The following MYL1 variants were observed in gnomAD, a reference collection of about 807,000 sequenced individuals.
MYL1 encodes the protein myosin light chain 1/3, skeletal muscle isoform.
Under a neutral mutation model 21.8 loss-of-function variants are expected in MYL1, and 16 were observed. That is an observed-to-expected ratio of 0.74 (90% CI 0.50 to 1.12). The LOEUF (loss-of-function observed/expected upper bound fraction) is 1.12, where lower values mean the gene tolerates loss of function less well. MYL1 is among the 50% of genes most tolerant of loss of function. The probability of loss-of-function intolerance (pLI) is 0.00; values close to 1 mark genes in which losing one functional copy is unlikely to be tolerated. For missense variants in MYL1, 246 were observed against 241.0 expected (o/e 1.02, Z -0.14); for synonymous variants, 99 against 85.2 (o/e 1.16, Z -0.89).
chr2:210,298,014 G>T lies in MYL1; in HGVS notation c.304+406C>A, dbSNP rs80289601. Among the ~76,000 whole-genome samples the T allele has an allele frequency of 6.3e-3, 964 of 152,126 alleles. 15 individuals are homozygous for T. Among genetic ancestry groups the T allele is most frequent in the African/African-American group, 0.022 (925 of 41,508 alleles). On this transcript the variant is annotated intron_variant, in intron 3 of 6. Transcript: ENST00000352451. ...TTTGCCAAAATGTGTTTTTGCCTTT[G>T]AAGATTTGAAGTCTGAAAAAATGTG...
At chr2:210,302,967 A>G in intron 1 of MYL1, 1 of 616,516 alleles carries the variant, frequency 1.6e-6, no homozygotes, top group South Asian at 2.2e-5. Context: ...CTATTGCAAA[A>G]GATAATTAGG....
intron 2 of MYL1, among the ~76,000 whole-genome samples, chr2:210,302,003 C>T (rs925817516): frequency 1.1e-4 from 17 of 151,990 alleles, no homozygotes. Context: ...AATCCTTCTT[C>T]TTTGTTTCTG....
rs750680519 is a variant in MYL1 at position 210,298,448 on chromosome 2, C to T, written c.276G>A (p.Arg92=). The T allele has an allele frequency of 6.2e-7, 1 of 1,613,888 alleles. No homozygotes were observed. The highest frequency in any genetic ancestry group is 8.5e-7 in the Non-Finnish European group (1 of 1,179,962). The change falls in exon 3 of 7, where the codon AGG becomes AGA. Residue 92 remains arginine (R), a synonymous_variant. Coordinates refer to ENST00000352451, the MANE Select transcript of MYL1 (RefSeq NM_079420.3). ...CATTGCTGGGGTTTCCCAGAACTTT[C>T]CTGACCTCTGCATTGGTGGGATTTG... ...LGTNPTNAEV[R]KVLGNPSNEE...
intron 1 of MYL1, among the ~76,000 whole-genome samples, chr2:210,314,413 T>G (rs547830281): frequency 6.6e-6 from 1 of 152,264 alleles, no homozygotes; most frequent in East Asian, 1.9e-4. Flanking sequence ...TAACTTGAAT[T>G]GCAAAAAATC....
intron 5 of MYL1, among the ~76,000 whole-genome samples, chr2:210,291,382 C>T (rs1690073129): frequency 6.6e-6 from 1 of 152,156 alleles, no homozygotes; most frequent in African/African-American, 2.4e-5. Context: ...CCTGCTTTAG[C>T]CTCCCAAGCA....
intron 3 of MYL1, among the ~76,000 whole-genome samples, chr2:210,297,784 G>C (rs564130084): frequency 1.0e-3 from 155 of 151,448 alleles, no homozygotes; most frequent in African/African-American, 3.6e-3. Flanking sequence ...CTTGTGCTCT[G>C]TCCTTTGACA....
intron 5 of MYL1, among the ~76,000 whole-genome samples, chr2:210,291,857 G>C (rs981950999): frequency 1.3e-5 from 2 of 152,122 alleles, no homozygotes; most frequent in Admixed American, 1.3e-4. Flanking sequence ...TCTCATTTGA[G>C]TGAAAGTATA....
Position 210,312,901 on chromosome 2 carries a change from T to A in MYL1, c.132+2010A>T, listed in dbSNP as rs1690437167. ...TTTTGCTTAGTTGTATAAGCTTATA[T>A]TGTATCCTCACAATATTACACAATA... On this transcript the variant is annotated intron_variant, in intron 1 of 6. Coordinates refer to ENST00000352451, the MANE Select transcript of MYL1 (RefSeq NM_079420.3). Among the ~76,000 whole-genome samples the A allele has an allele frequency of 2.0e-5, 3 of 151,926 alleles. No homozygotes were observed. The South Asian group carries it at 6.2e-4, about 31-fold the overall frequency.
At chr2:210,301,093 T>C (rs1021767361) in intron 2 of MYL1, among the ~76,000 whole-genome samples, 4 of 152,160 alleles carry the variant, frequency 2.6e-5, no homozygotes, top group African/African-American at 9.6e-5. Context: ...AAGTCTTCCA[T>C]TGCTTGATCC....
chr2:210,297,105 G>A (rs2125739978), intron 3 of MYL1, among the ~76,000 whole-genome samples: 1 of 150,538 alleles, frequency 6.6e-6, no homozygotes, highest in African/African-American at 2.4e-5. Flanking sequence ...TCCATATCTT[G>A]GGCATCGTAA....
intron 1 of MYL1, among the ~76,000 whole-genome samples, chr2:210,310,814 C>T (rs1690409078): frequency 6.6e-6 from 1 of 152,026 alleles, no homozygotes; most frequent in South Asian, 2.1e-4. Context: ...AACCACTCTA[C>T]CTCATACCCT....
chr2:210,299,507 A>G (rs1257678956), intron 2 of MYL1, among the ~76,000 whole-genome samples: 1 of 152,170 alleles, frequency 6.6e-6, no homozygotes, highest in East Asian at 1.9e-4. Context: ...TGTATTAAGT[A>G]TACACAGCCA....
intron 1 of MYL1, chr2:210,303,546 A>C (rs1690295709): frequency 1.2e-6 from 2 of 1,611,370 alleles, no homozygotes; most frequent in Non-Finnish European, 1.7e-6. Flanking sequence ...ACCCACCATG[A>C]TGGAGCGGCT....
chr2:210,297,835 C>T (rs1376191294), intron 3 of MYL1, among the ~76,000 whole-genome samples: 1 of 151,632 alleles, frequency 6.6e-6, no homozygotes, highest in Non-Finnish European at 1.5e-5. Flanking sequence ...TGTCAAAGGA[C>T]AGAGCACATG....
chr2:210,293,173 G>T (rs745365021), intron 5 of MYL1, among the ~76,000 whole-genome samples: 33 of 152,096 alleles, frequency 2.2e-4, no homozygotes, highest in Admixed American at 1.3e-3. Context: ...TTTGTTTTCT[G>T]TAGTGCATTG....
chr2:210,315,164 C>T lies in MYL1; in HGVS notation c.-122G>A, dbSNP rs1309358752. The T allele has an allele frequency of 1.7e-6, 2 of 1,194,428 alleles. No homozygotes were observed. Among genetic ancestry groups the T allele is most frequent in the Non-Finnish European group, 2.4e-6 (2 of 838,906 alleles). The allele number at this position is 1,194,428 out of a possible 1,614,324, so 74.0% of individuals were successfully genotyped here. A position where few individuals can be genotyped will look rare whatever the true frequency, so the allele number is the denominator to read the frequency against. ...CACAGCCCAGTGTCTTGAAGATGGACCCAGAGTGTTAAACGGCATAAGGGC... is the reference window on the plus strand; with the variant it reads ...CACAGCCCAGTGTCTTGAAGATGGATCCAGAGTGTTAAACGGCATAAGGGC... On this transcript the variant is annotated 5_prime_UTR_variant, in exon 1 of 7. Coordinates refer to ENST00000352451, the MANE Select transcript of MYL1 (RefSeq NM_079420.3).
At position 210,290,245 on chromosome 2, in the gene MYL1, G is replaced by C. The variant is rs533006797; in HGVS notation, c.*237C>G. 4 of 152,176 alleles carry C rather than the reference G, an allele frequency of 2.6e-5. No homozygotes were observed. In the East Asian group the frequency reaches 7.7e-4, roughly 29 times the overall value. The allele number at this position is 152,176 out of a possible 1,614,324, so 9.4% of individuals were successfully genotyped here. A position where few individuals can be genotyped will look rare whatever the true frequency, so the allele number is the denominator to read the frequency against. ...AAGAATGGTGCTTGGATTTGAGATTGTCAATATTTTATTCTTCTCATCTAG... is the reference window on the plus strand; with the variant it reads ...AAGAATGGTGCTTGGATTTGAGATTCTCAATATTTTATTCTTCTCATCTAG... On this transcript the variant is annotated 3_prime_UTR_variant, in exon 7 of 7. Transcript: ENST00000352451.
chr2:210,298,347 C>T (rs2125740428), intron 3 of MYL1, 73 bp downstream of exon 3: 2 of 1,493,990 alleles, frequency 1.3e-6, no homozygotes, highest in East Asian at 4.6e-5. Context: ...ACTACACACA[C>T]ACACACACAC....
intron 1 of MYL1, among the ~76,000 whole-genome samples, chr2:210,303,317 T>C (rs1217547505): frequency 1.3e-5 from 2 of 152,194 alleles, no homozygotes; most frequent in Non-Finnish European, 2.9e-5. Context: ...TGGTGAAGCA[T>C]AAAGCACAGC....
Sources: allele counts gnomAD v4.1 joint callset (sites outside exome capture counted in the v4.1 genomes callset), GRCh38; gene constraint gnomAD v4.1.1; transcripts MANE v1.5; gene names NCBI Gene and HGNC (gene_info 2026-07-23, HGNC 2026-07-21).